LRRC4C: variants seen among roughly 807,000 people sequenced by gnomAD.
LRRC4C encodes leucine-rich repeat-containing protein 4C.
A neutral mutation model predicts 33.6 loss-of-function variants in LRRC4C; 5 were observed. The observed-to-expected ratio is 0.15, with a 90% confidence interval of 0.08 to 0.31. The LOEUF (loss-of-function observed/expected upper bound fraction) is 0.31. Ranked by LOEUF, LRRC4C falls within the 10% of genes least tolerant of loss-of-function variation. The pLI is 1.00. For missense variants in LRRC4C, 560 were observed against 796.7 expected (o/e 0.70, Z 3.58); for synonymous variants, 329 against 302.0 (o/e 1.09, Z -0.93).
intron 3 of LRRC4C, among the ~76,000 whole-genome samples, chr11:40,512,648 T>C (rs1267314698): frequency 1.3e-5 from 2 of 152,184 alleles, no homozygotes; most frequent in South Asian, 2.1e-4. Context: ...ATATGGATCA[T>C]TGACAATATC....
chr11:41,448,463 G>A (rs1955911883), intron 1 of LRRC4C, among the ~76,000 whole-genome samples: 1 of 151,654 alleles, frequency 6.6e-6, no homozygotes. Context: ...CTGCCACCAT[G>A]CCTGGCTAAT....
At chr11:40,441,850 C>A (rs1434524082) in intron 3 of LRRC4C, among the ~76,000 whole-genome samples, 1 of 152,094 alleles carries the variant, frequency 6.6e-6, no homozygotes, top group Admixed American at 6.5e-5. Flanking sequence ...AAACACACAG[C>A]AGGTCATTAT....
chr11:40,748,509 G>A (rs1403012881), intron 2 of LRRC4C, among the ~76,000 whole-genome samples: 1 of 151,894 alleles, frequency 6.6e-6, no homozygotes, highest in South Asian at 2.1e-4. Flanking sequence ...GGAAGAGAAA[G>A]GACTCAAATG....
At chr11:40,628,841 T>C (rs891873466) in intron 3 of LRRC4C, among the ~76,000 whole-genome samples, 2 of 152,216 alleles carry the variant, frequency 1.3e-5, no homozygotes, top group Admixed American at 6.5e-5. Flanking sequence ...TGTTTTCATC[T>C]AGTCTGATAG....
intron 1 of LRRC4C, among the ~76,000 whole-genome samples, chr11:41,360,500 T>C (rs1952316405): frequency 6.6e-6 from 1 of 152,142 alleles, no homozygotes. Context: ...CAAACTGAAA[T>C]ATGAGCTACA....
intron 5 of LRRC4C, among the ~76,000 whole-genome samples, chr11:40,159,743 A>T (rs1859003959): frequency 6.6e-6 from 1 of 152,122 alleles, no homozygotes; most frequent in African/African-American, 2.4e-5. Context: ...AAGTCCTCCT[A>T]CTCAACTGCA....
intron 2 of LRRC4C, among the ~76,000 whole-genome samples, chr11:40,795,627 G>A (rs985506150): frequency 1.3e-5 from 2 of 152,172 alleles, no homozygotes; most frequent in African/African-American, 4.8e-5. Flanking sequence ...TTTGTGTTAG[G>A]TAGAAATTTT....
chr11:40,880,861 G>GTA (rs1554985311), intron 2 of LRRC4C, among the ~76,000 whole-genome samples: 29 of 50,262 alleles, frequency 5.8e-4, no homozygotes, highest in African/African-American at 8.4e-4. Flanking sequence ...AAATGTGTGT[G>GTA]TGTATATATA....
At chr11:41,076,617 A>G (rs563115052) in intron 1 of LRRC4C, among the ~76,000 whole-genome samples, 5 of 152,284 alleles carry the variant, frequency 3.3e-5, no homozygotes, top group Middle Eastern at 3.4e-3. Context: ...CCCACCTTCA[A>G]TACCTGAGGA....
chr11:40,173,005 G>A (rs1230686392), intron 5 of LRRC4C, among the ~76,000 whole-genome samples: 2 of 152,160 alleles, frequency 1.3e-5, no homozygotes, highest in Non-Finnish European at 2.9e-5. Context: ...GTAAAGAGAC[G>A]GCAGTCATGA....
intron 5 of LRRC4C, among the ~76,000 whole-genome samples, chr11:40,166,433 G>T (rs1034485350): frequency 5.9e-5 from 9 of 152,142 alleles, no homozygotes; most frequent in African/African-American, 1.9e-4. Context: ...CAGGATAGTA[G>T]TTATCCTTGA....
At chr11:41,197,258 A>G (rs542488765) in intron 1 of LRRC4C, among the ~76,000 whole-genome samples, 1 of 152,152 alleles carries the variant, frequency 6.6e-6, no homozygotes, top group East Asian at 1.9e-4. Flanking sequence ...TTTAGAGGAT[A>G]ATCCCTTTCG....
chr11:40,345,576 T>C (rs1423510560), intron 3 of LRRC4C, among the ~76,000 whole-genome samples: 3 of 151,992 alleles, frequency 2.0e-5, no homozygotes, highest in Non-Finnish European at 4.4e-5. Context: ...TTAAATGTAA[T>C]ACCTACAACT....
At chr11:40,175,785 G>A (rs138737287) in intron 5 of LRRC4C, among the ~76,000 whole-genome samples, 3 of 152,210 alleles carry the variant, frequency 2.0e-5, no homozygotes, top group Non-Finnish European at 2.9e-5. Flanking sequence ...ATTATATACC[G>A]TCTTCTGCTC....
chr11:40,188,561 T>A (rs1179979998), intron 5 of LRRC4C, among the ~76,000 whole-genome samples: 1 of 152,222 alleles, frequency 6.6e-6, no homozygotes, highest in Non-Finnish European at 1.5e-5. Context: ...TTGTTATCAT[T>A]TTTATGGTTT....
At chr11:40,723,790 AC>A (rs1429242511) in intron 2 of LRRC4C, among the ~76,000 whole-genome samples, 2 of 152,134 alleles carry the variant, frequency 1.3e-5, no homozygotes, top group African/African-American at 4.8e-5. Flanking sequence ...TAGTCTAAAC[AC>A]CCACTTAACA....
At chr11:41,377,296 G>T (rs1224969205) in intron 1 of LRRC4C, among the ~76,000 whole-genome samples, 1 of 152,068 alleles carries the variant, frequency 6.6e-6, no homozygotes, top group African/African-American at 2.4e-5. Context: ...GATATACAAA[G>T]TTCCTCTCCC....
chr11:40,385,329 A>G (rs182637258), intron 3 of LRRC4C, among the ~76,000 whole-genome samples: 4 of 152,282 alleles, frequency 2.6e-5, no homozygotes, highest in Admixed American at 1.3e-4. Context: ...AAATAGAGAA[A>G]ACTTTTTTCA....
In LRRC4C at chr11:41,417,397, T is replaced by TAA. The variant is rs146294995; in HGVS notation, c.-496+42033_-496+42034insTT. Among the ~76,000 whole-genome samples the TAA allele has an allele frequency of 3.4e-4, 51 of 152,160 alleles. No individual in the cohort carries two copies. In the East Asian group the frequency reaches 9.7e-3, roughly 29 times the overall value. On this transcript the variant is annotated intron_variant, in intron 1 of 6. Coordinates refer to ENST00000528697, the MANE Select transcript of LRRC4C (RefSeq NM_001258419.2). ...GTAAACAAAAATATCACTTTTCTTTTATAATCCTAGATCTAAAAGCAGAGA... is the reference window on the plus strand; with the variant it reads ...GTAAACAAAAATATCACTTTTCTTTTAAATAATCCTAGATCTAAAAGCAGAGA...
Sources: gnomAD v4.1 joint callset for allele counts (sites outside exome capture counted in the v4.1 genomes callset) on GRCh38, gnomAD v4.1.1 for gene constraint, MANE v1.5 for transcripts, NCBI Gene and HGNC (gene_info 2026-07-23, HGNC 2026-07-21) for gene names.